Variants in DYNLT2B observed in about 807,000 individuals in gnomAD.
DYNLT2B encodes the protein dynein light chain Tctex-type protein 2B.
Under a neutral mutation model 19.5 loss-of-function variants are expected in DYNLT2B, and 14 were observed. The observed-to-expected ratio is 0.72, with a 90% CI of 0.47 to 1.12. The LOEUF (loss-of-function observed/expected upper bound fraction) is 1.12, where lower values mean the gene tolerates loss of function less well. DYNLT2B is among the 50% of genes most tolerant of loss of function. The pLI is 0.00. For synonymous variants in DYNLT2B, 70 were observed against 59.7 expected (o/e 1.17, Z -0.79); for missense variants, 133 against 174.7 (o/e 0.76, Z 1.35).
chr3:196,317,949 G>A (rs1310155371), intron 1 of DYNLT2B, 91 bp downstream of exon 1: 7 of 661,186 alleles, frequency 1.1e-5, no homozygotes, highest in Non-Finnish European at 8.5e-6. Flanking sequence ...CGCGTCCCCC[G>A]CGCTCCTTCC....
intron 2 of DYNLT2B, among the ~76,000 whole-genome samples, chr3:196,314,194 G>T (rs1285024122): frequency 6.6e-6 from 1 of 151,854 alleles, no homozygotes; most frequent in East Asian, 1.9e-4. Context: ...TTCAAAAAAT[G>T]ATGTCTTCTA....
intron 3 of DYNLT2B, among the ~76,000 whole-genome samples, chr3:196,304,353 G>A (rs377553150): frequency 6.8e-4 from 104 of 152,140 alleles, no homozygotes; most frequent in East Asian, 6.0e-3. Context: ...GGCTGGTCTC[G>A]AACTCCTGAC....
chr3:196,310,268 A>AT (rs59708062), intron 2 of DYNLT2B, among the ~76,000 whole-genome samples: 46,568 of 142,086 alleles, frequency 0.33, 8,243 homozygotes, highest in East Asian at 0.82. Context: ...CGCTCGGCTA[A>AT]TTTTTTTTTT....
intron 1 of DYNLT2B, among the ~76,000 whole-genome samples, chr3:196,317,800 C>A (rs1415491863): frequency 6.6e-6 from 1 of 152,298 alleles, no homozygotes; most frequent in East Asian, 1.9e-4. Flanking sequence ...CCGCGCCACC[C>A]TAAGACGCGC....
chr3:196,308,986 CCA>C, intron 2 of DYNLT2B, among the ~76,000 whole-genome samples: 1 of 152,004 alleles, frequency 6.6e-6, no homozygotes. Context: ...TAAAAATCCC[CCA>C]CATCATATCA....
At position 196,291,376 on chromosome 3, in the gene DYNLT2B, T is replaced by TA; in HGVS notation, c.382-3dup. On this transcript the variant is annotated splice_polypyrimidine_tract_variant and splice_region_variant and intron_variant, in intron 4 of 4. Coordinates refer to ENST00000325318, the MANE Select transcript of DYNLT2B (RefSeq NM_152773.5). ...TGCTACAACGCAGAATAAACTGTCC[T>TA]AAAAAATAAATACAACACACACACA... The TA allele has an allele frequency of 1.9e-6, 3 of 1,609,318 alleles. No individual in the cohort carries two copies. The South Asian group carries it at 3.3e-5, about 18-fold the overall frequency.
intron 4 of DYNLT2B, chr3:196,292,423 A>G (rs1726113942): frequency 6.6e-6 from 1 of 152,214 alleles, no homozygotes; most frequent in Non-Finnish European, 1.5e-5. Flanking sequence ...ACTGTGTTCT[A>G]CGACAGTGCT....
chr3:196,303,904 C>T (rs1028082540), intron 3 of DYNLT2B, among the ~76,000 whole-genome samples: 23 of 152,122 alleles, frequency 1.5e-4, no homozygotes, highest in African/African-American at 5.6e-4. Flanking sequence ...ATGCCTGTAA[C>T]CCCAGTGTTT....
chr3:196,317,470 A>T (rs1215007623), intron 1 of DYNLT2B, among the ~76,000 whole-genome samples: 3 of 11,884 alleles, frequency 2.5e-4, no homozygotes, highest in Non-Finnish European at 3.1e-4. Context: ...TATTTTTTTC[A>T]GTGTGTGTGT....
At chr3:196,300,734 A>G (rs1332849270) in intron 3 of DYNLT2B, among the ~76,000 whole-genome samples, 2 of 142,896 alleles carry the variant, frequency 1.4e-5, no homozygotes, top group Admixed American at 1.4e-4. Flanking sequence ...TGTCTCCAAA[A>G]AAAAAAAAAA....
At chr3:196,292,136 C>G (rs1319921585) in intron 4 of DYNLT2B, among the ~76,000 whole-genome samples, 2 of 152,172 alleles carry the variant, frequency 1.3e-5, no homozygotes, top group African/African-American at 4.8e-5. Context: ...GAGAAATAGT[C>G]TCTGGGTGTT....
chr3:196,303,515 C>A (rs1726409866), intron 3 of DYNLT2B, among the ~76,000 whole-genome samples: 1 of 152,100 alleles, frequency 6.6e-6, no homozygotes. Flanking sequence ...ACAGTATGTA[C>A]CATTGATATG....
intron 2 of DYNLT2B, among the ~76,000 whole-genome samples, chr3:196,308,921 A>G (rs1331696069): frequency 1.3e-5 from 2 of 152,200 alleles, no homozygotes; most frequent in Admixed American, 6.6e-5. Flanking sequence ...ACTTAAAAAA[A>G]AAACCCACAC....
intron 2 of DYNLT2B, among the ~76,000 whole-genome samples, chr3:196,307,270 G>C (rs182741421): frequency 1.3e-5 from 2 of 152,166 alleles, no homozygotes; most frequent in East Asian, 3.9e-4. Flanking sequence ...TCCCAAGATT[G>C]TTATAAGGTT....
chr3:196,307,372 G>C (rs1024074500), intron 2 of DYNLT2B, among the ~76,000 whole-genome samples: 1 of 152,086 alleles, frequency 6.6e-6, no homozygotes, highest in African/African-American at 2.4e-5. Context: ...CACGATCTCA[G>C]CTCACCGGCA....
chr3:196,318,239 G>T lies in DYNLT2B; in HGVS notation c.-87C>A. On this transcript the variant is annotated 5_prime_UTR_variant, in exon 1 of 5. Transcript: ENST00000325318. ...CGGCAGCAGGGAAAGCGTCTCCAGG[G>T]CAACAGGGCCGCCCTCCCGCCTCGC... is the stretch of plus-strand genomic sequence containing the variant. 2 of 661,772 alleles carry T rather than the reference G, an allele frequency of 3.0e-6. No individual in the cohort carries two copies. Among genetic ancestry groups the T allele is most frequent in the South Asian group, 4.9e-5 (2 of 40,856 alleles). The allele number at this position is 661,772 out of a possible 1,614,324, so 41.0% of individuals were successfully genotyped here.
intron 2 of DYNLT2B, among the ~76,000 whole-genome samples, chr3:196,311,978 G>C (rs1197455031): frequency 6.6e-6 from 1 of 152,100 alleles, no homozygotes; most frequent in Non-Finnish European, 1.5e-5. Context: ...TGCAACCTCT[G>C]CCTCCTGGGT....
At chr3:196,311,600 C>T (rs1726644880) in intron 2 of DYNLT2B, among the ~76,000 whole-genome samples, 2 of 151,874 alleles carry the variant, frequency 1.3e-5, no homozygotes, top group Non-Finnish European at 2.9e-5. Flanking sequence ...CTATAAAATG[C>T]TCATTAGAAA....
chr3:196,301,336 A>G (rs531506895), intron 3 of DYNLT2B, among the ~76,000 whole-genome samples: 1 of 152,326 alleles, frequency 6.6e-6, no homozygotes, highest in East Asian at 1.9e-4. Context: ...AGACAAAGCC[A>G]TATACATGAT....
Sources: gnomAD v4.1 joint callset for allele counts (sites outside exome capture counted in the v4.1 genomes callset) on GRCh38, gnomAD v4.1.1 for gene constraint, MANE v1.5 for transcripts, NCBI Gene and HGNC (gene_info 2026-07-23, HGNC 2026-07-21) for gene names.